TRAPPC12: variants seen among roughly 807,000 people sequenced by gnomAD.
TRAPPC12 encodes trafficking protein particle complex subunit 12.
A neutral mutation model predicts 69.2 loss-of-function variants in TRAPPC12; 61 were observed. The observed-to-expected ratio is 0.88, with a 90% CI of 0.72 to 1.09. TRAPPC12 has a LOEUF of 1.09. TRAPPC12 is among the 50% of genes least tolerant of loss of function. The pLI is 0.00. For missense variants in TRAPPC12, 1,101 were observed against 1,016.4 expected (o/e 1.08, Z -1.13); for synonymous variants, 469 against 438.9 (o/e 1.07, Z -0.86).
In TRAPPC12 at chr2:3,459,326, G is replaced by A. The variant is rs1165178887; in HGVS notation, c.1604-937G>A. On this transcript the variant is annotated intron_variant, in intron 7 of 11. Coordinates refer to ENST00000324266, the MANE Select transcript of TRAPPC12 (RefSeq NM_016030.6). ...AGGCGCAAGGAGCGCTGGACAAGGG[G>A]TCAGATGGAAGCGTCCCTGGCCTCT... Among the ~76,000 whole-genome samples the A allele has an allele frequency of 4.6e-5, 7 of 152,360 alleles. No individual in the cohort carries two copies. The East Asian group carries it at 1.2e-3, about 25-fold the overall frequency.
chr2:3,386,716 T>C lies in TRAPPC12; in HGVS notation c.-4-904T>C, dbSNP rs191786002. Among the ~76,000 whole-genome samples the C allele has an allele frequency of 3.8e-3, 580 of 151,036 alleles. 2 individuals carry two copies. The highest frequency in any genetic ancestry group is 6.8e-3 in the Non-Finnish European group (458 of 67,794). The stretch of plus-strand genomic sequence containing the variant: ...TATGAGCTGGGGCGTGGGGCGGGGG[T>C]AGGGGCGGACGGCATGGGGAAGTCA... On this transcript the variant is annotated intron_variant, in intron 1 of 11. Coordinates refer to ENST00000324266, the MANE Select transcript of TRAPPC12 (RefSeq NM_016030.6).
Position 3,474,602 on chromosome 2 carries a change from G to A in TRAPPC12, c.1777-3093G>A, listed in dbSNP as rs192506553. ...CTGACCATGTGTTGCTCTTAAGGTC[G>A]GAGCTCCAGGGCGGCGTTTCCCCGG... On this transcript the variant is annotated intron_variant, in intron 9 of 11. Coordinates refer to ENST00000324266, the MANE Select transcript of TRAPPC12 (RefSeq NM_016030.6). Among the ~76,000 whole-genome samples the A allele has an allele frequency of 2.8e-3, 427 of 152,292 alleles. 1 individual carries two copies. The highest frequency in any genetic ancestry group is 9.3e-3 in the African/African-American group (385 of 41,550).
At chr2:3,441,020 T>C (rs1400554190) in intron 5 of TRAPPC12, among the ~76,000 whole-genome samples, 1 of 152,268 alleles carries the variant, frequency 6.6e-6, no homozygotes. Context: ...TCATGGTTCA[T>C]AATTCTTTTT....
intron 9 of TRAPPC12, among the ~76,000 whole-genome samples, chr2:3,471,228 A>G (rs544093875): frequency 6.6e-6 from 1 of 152,360 alleles, no homozygotes; most frequent in African/African-American, 2.4e-5. Context: ...TCATAGCATA[A>G]TTCTGGGCAC....
intron 6 of TRAPPC12, among the ~76,000 whole-genome samples, chr2:3,451,578 C>G (rs1664852245): frequency 6.6e-6 from 1 of 152,038 alleles, no homozygotes; most frequent in Non-Finnish European, 1.5e-5. Flanking sequence ...GACTGGAGTA[C>G]AGTGGCATGA....
Position 3,387,607 on chromosome 2 carries a change from T to G in TRAPPC12, c.-4-13T>G. 1 of 1,513,130 alleles carries G rather than the reference T, an allele frequency of 6.6e-7. No homozygotes were observed. Among genetic ancestry groups the G allele is most frequent in the Non-Finnish European group, 8.9e-7 (1 of 1,125,238 alleles). 93.7% of individuals were successfully genotyped at this position (1,513,130 alleles called of 1,614,324 possible). ...ATCACGCTCAGGGGCCTTCTCTCTG[T>G]CTTTGCTTTCAGGGTCATGGAGGAC... On this transcript the variant is annotated splice_polypyrimidine_tract_variant and intron_variant, in intron 1 of 11. Transcript: ENST00000324266.
intron 3 of TRAPPC12, among the ~76,000 whole-genome samples, chr2:3,408,829 A>G (rs1014908890): frequency 6.6e-6 from 1 of 152,208 alleles, no homozygotes; most frequent in Non-Finnish European, 1.5e-5. Flanking sequence ...AATATCCAAA[A>G]GAAGAGAATT....
At chr2:3,452,237 C>T (rs1184771737) in intron 6 of TRAPPC12, among the ~76,000 whole-genome samples, 2 of 152,158 alleles carry the variant, frequency 1.3e-5, no homozygotes, top group Non-Finnish European at 2.9e-5. Context: ...TTCTGTAGGG[C>T]TTCTTGTGCG....
intron 8 of TRAPPC12, among the ~76,000 whole-genome samples, chr2:3,464,414 C>T (rs1047702085): frequency 1.3e-5 from 2 of 149,590 alleles, no homozygotes; most frequent in Non-Finnish European, 3.0e-5. Context: ...TTGTACTTGT[C>T]TGTCTTTCTT....
intron 5 of TRAPPC12, among the ~76,000 whole-genome samples, chr2:3,426,847 A>C (rs1309209761): frequency 2.6e-5 from 4 of 152,202 alleles, no homozygotes. Context: ...ACATCCGCTC[A>C]TGAGTTGGAG....
chr2:3,383,689 G>A (rs181270700), intron 1 of TRAPPC12, among the ~76,000 whole-genome samples: 56 of 151,898 alleles, frequency 3.7e-4, no homozygotes, highest in Non-Finnish European at 7.4e-4. Flanking sequence ...ACAGGCGTGA[G>A]CCACCGCACC....
chr2:3,443,670 C>T (rs1664341859), intron 5 of TRAPPC12, 109 bp from the exon 6 acceptor site: 4 of 780,004 alleles, frequency 5.1e-6, no homozygotes, highest in Admixed American at 4.0e-5. Context: ...ATAAAGGGAT[C>T]TGTCATCACT....
intron 2 of TRAPPC12, among the ~76,000 whole-genome samples, chr2:3,399,808 T>TCCCCCCCCCC (rs1413817941): frequency 7.3e-6 from 1 of 136,914 alleles, no homozygotes. Flanking sequence ...TTTCCCCCGC[T>TCCCCCCCCCC]CCCCCCGCCA....
chr2:3,472,653 A>G (rs1365859749), intron 9 of TRAPPC12: 3 of 152,286 alleles, frequency 2.0e-5, no homozygotes, highest in African/African-American at 4.8e-5. Context: ...AAAGGACACC[A>G]TAAAGAAAAA....
intron 3 of TRAPPC12, among the ~76,000 whole-genome samples, chr2:3,413,431 C>T (rs984080303): frequency 1.3e-5 from 2 of 152,208 alleles, no homozygotes; most frequent in African/African-American, 4.8e-5. Flanking sequence ...AGTTCCGTAG[C>T]ACCAGCAGCT....
At position 3,388,257 on chromosome 2, in the gene TRAPPC12, G is replaced by T. The variant is rs139450075; in HGVS notation, c.634G>T (p.Asp212Tyr). Residue 212 changes from aspartate to tyrosine, a missense_variant, in exon 2 of 12, where the codon GAC (aspartate) becomes TAC (tyrosine). By Grantham distance (160) the Asp-to-Tyr change is radical. Transcript: ENST00000324266. ...CCCCAGCCTCAGCACGTTCTTCGGA[G>T]ACACGGCCGCCAGCCACTCCTTGGC... is the stretch of plus-strand genomic sequence containing the variant. ...PSPSLSTFFG[D>Y]TAASHSLASD... 20 of 1,608,418 alleles carry T rather than the reference G, an allele frequency of 1.2e-5. No homozygotes were observed. In the African/African-American group the frequency reaches 2.7e-4, roughly 22 times the overall value.
chr2:3,421,113 C>CGTTA (rs1271226012), intron 3 of TRAPPC12, among the ~76,000 whole-genome samples: 1 of 152,118 alleles, frequency 6.6e-6, no homozygotes, highest in African/African-American at 2.4e-5. Context: ...AGATAGTGCC[C>CGTTA]GTTACATTGA....
chr2:3,406,761 G>A (rs1187263568), intron 3 of TRAPPC12, among the ~76,000 whole-genome samples: 2 of 152,198 alleles, frequency 1.3e-5, no homozygotes. Context: ...CTGGCAGCAT[G>A]ACAGGGCTTT....
chr2:3,390,864 C>T (rs1431267486), intron 2 of TRAPPC12, among the ~76,000 whole-genome samples: 3 of 152,098 alleles, frequency 2.0e-5, no homozygotes, highest in Non-Finnish European at 4.4e-5. Context: ...GATCTCTATA[C>T]CCGCTTAATT....
Sources: gnomAD v4.1 joint callset for allele counts (sites outside exome capture counted in the v4.1 genomes callset) on GRCh38, gnomAD v4.1.1 for gene constraint, MANE v1.5 for transcripts, NCBI Gene and HGNC (gene_info 2026-07-23, HGNC 2026-07-21) for gene names.